MYOM1: variants seen among roughly 807,000 people sequenced by gnomAD.
The protein encoded by MYOM1 is myomesin 1, also known as myomesin-1.
A neutral mutation model predicts 205.3 loss-of-function variants in MYOM1; 164 were observed. The ratio of observed to expected loss-of-function variants is 0.80; its 90% confidence interval spans 0.70 to 0.91. The LOEUF is 0.91. Ranked by LOEUF, MYOM1 falls within the 40% of genes least tolerant of loss-of-function variation. The pLI is 0.00. For missense variants in MYOM1, 2,011 were observed against 2,127.3 expected (o/e 0.95, Z 1.08); for synonymous variants, 772 against 789.4 (o/e 0.98, Z 0.37).
Position 3,089,215 on chromosome 18 carries a change from A to C in MYOM1, c.4096T>G (p.Trp1366Gly), listed in dbSNP as rs1451379337. The C allele has an allele frequency of 6.2e-7, 1 of 1,612,004 alleles. No individual in the cohort carries two copies. The highest frequency in any genetic ancestry group is 1.3e-5 in the African/African-American group (1 of 74,904). Residue 1366 changes from tryptophan to glycine, a missense_variant, in exon 29 of 38, where the codon TGG becomes GGG. Coordinates refer to ENST00000356443, the MANE Select transcript of MYOM1 (RefSeq NM_003803.4). ...ACATTACATTCACCAGTCACTTCCC[A>C]GCTCAAATACTCAACAAAGTGAGGA... ...QGPHFVEYLS[W>G]EVTGECNVLL...
chr18:3,143,468 C>A (rs563834668), intron 13 of MYOM1, among the ~76,000 whole-genome samples: 1 of 152,056 alleles, frequency 6.6e-6, no homozygotes, highest in African/African-American at 2.4e-5. Context: ...GTCAATAAAG[C>A]CTTTTTCTTA....
chr18:3,082,671 C>T (rs977702005), intron 33 of MYOM1, among the ~76,000 whole-genome samples: 1 of 152,124 alleles, frequency 6.6e-6, no homozygotes, highest in Non-Finnish European at 1.5e-5. Flanking sequence ...GCCAGGCCTC[C>T]GTTCTCTTTC....
the MYOM1 span, chr18:3,246,918 A>G: frequency 6.6e-6 from 1 of 152,226 alleles, no homozygotes; most frequent in Non-Finnish European, 1.5e-5. Context: ...TCTCTTTTTA[A>G]TAAGATTCAT....
intron 12 of MYOM1, 144 bp from the exon 13 acceptor site, chr18:3,149,345 A>G (rs941778368): frequency 2.7e-5 from 17 of 634,616 alleles, no homozygotes; most frequent in East Asian, 2.5e-4. Context: ...AATGGTATCA[A>G]TCATGTAGAG....
intron 5 of MYOM1, among the ~76,000 whole-genome samples, chr18:3,176,824 G>T (rs2080647683): frequency 6.6e-6 from 1 of 152,138 alleles, no homozygotes; most frequent in African/African-American, 2.4e-5. Context: ...GGAGGTTGCA[G>T]TGAGCTGAGA....
At chr18:3,176,241 T>C (rs1484182857) in intron 5 of MYOM1, 107 bp from the exon 6 acceptor site, 2 of 667,142 alleles carry the variant, frequency 3.0e-6, no homozygotes, top group South Asian at 3.6e-5. Context: ...AACAGGGCAC[T>C]GAGGGTAGCA....
At chr18:3,223,351 A>T (rs770188361), upstream of MYOM1, among the ~76,000 whole-genome samples, 19 of 152,170 alleles carry the variant, frequency 1.2e-4, no homozygotes, top group Non-Finnish European at 2.8e-4. Context: ...TTTTTCTTCA[A>T]TGCGGATGTT....
chr18:3,132,118 GTA>G lies in MYOM1; in HGVS notation c.2385-624_2385-623del, dbSNP rs1555621173. On this transcript the variant is annotated intron_variant, in intron 16 of 37. Transcript: ENST00000356443. ...TAAAATTATTATTATATATGTGTGT[GTA>G]TATATATATATATATGAGTTATACT... Among the ~76,000 whole-genome samples, 372 of 143,438 alleles carry G rather than the reference GTA, an allele frequency of 2.6e-3. 3 individuals are homozygous for G. Among genetic ancestry groups the G allele is most frequent in the African/African-American group, 8.9e-3 (348 of 38,968 alleles). The allele number at this position is 143,438 out of a possible 152,430, so 94.1% of individuals were successfully genotyped here. A position where few individuals can be genotyped will look rare whatever the true frequency, so the allele number is the denominator to read the frequency against.
intron 19 of MYOM1, among the ~76,000 whole-genome samples, chr18:3,120,608 C>T (rs2079675834): frequency 6.6e-6 from 1 of 152,126 alleles, no homozygotes; most frequent in South Asian, 2.1e-4. Flanking sequence ...CAACGCCGTG[C>T]GCAGACCCCT....
chr18:3,123,367 T>C (rs79646890), intron 19 of MYOM1, among the ~76,000 whole-genome samples: 22,597 of 152,038 alleles, frequency 0.15, 1,882 homozygotes, highest in East Asian at 0.33. Context: ...TTCTCTTTAC[T>C]AGCAATAAAA....
At position 3,189,427 on chromosome 18, in the gene MYOM1, T is replaced by TG. The variant is rs1436185635; in HGVS notation, c.432-341_432-340insC. 1.4e-4 allele frequency among the ~76,000 whole-genome samples: 21 copies of TG among 151,966 alleles called. No homozygotes were observed. The highest frequency in any genetic ancestry group is 3.4e-3 in the Middle Eastern group (1 of 294). ...CAGGCTGGAGTGCAGTGGTGCGATC[T>TG]CAGCTCACTGCAACCTTGGCCTCCT... On this transcript the variant is annotated intron_variant, in intron 3 of 37. Coordinates refer to ENST00000356443, the MANE Select transcript of MYOM1 (RefSeq NM_003803.4). This position sits in a 1 kb window ranked among gnomAD's most constrained non-coding sequence, Gnocchi z 4.8.
At position 3,164,307 on chromosome 18, in the gene MYOM1, T is replaced by C; in HGVS notation, c.1472A>G (p.Glu491Gly). Residue 491 changes from glutamate (E) to glycine (G), a missense_variant, in exon 10 of 38, where the codon GAA (glutamate) becomes GGA (glycine). Glu to Gly is a moderately conservative substitution (Grantham distance 98). Coordinates refer to ENST00000356443, the MANE Select transcript of MYOM1 (RefSeq NM_003803.4). ...AACAAAGACATAAGCACTATATTGT[T>C]CATAATATTCTCCCATCCGTACACG... ...TIRVRMGEYY[E>G]QYSAYVFVRD... 1 of 1,613,166 alleles carries C rather than the reference T, an allele frequency of 6.2e-7. No individual in the cohort carries two copies. Among genetic ancestry groups the C allele is most frequent in the Non-Finnish European group, 8.5e-7 (1 of 1,179,484 alleles).
chr18:3,227,745 G>C, the MYOM1 span, among the ~76,000 whole-genome samples: 2 of 152,102 alleles, frequency 1.3e-5, no homozygotes, highest in Admixed American at 1.3e-4. Context: ...CTTGAACCCA[G>C]CAGGCGGAGG....
chr18:3,097,894 G>A (rs990154330), intron 25 of MYOM1, among the ~76,000 whole-genome samples: 1 of 152,162 alleles, frequency 6.6e-6, no homozygotes, highest in Non-Finnish European at 1.5e-5. Flanking sequence ...CCTACTGCCC[G>A]GACTAATTCT....
At chr18:3,127,305 A>ATATATTTTTT (rs56880961) in intron 18 of MYOM1, among the ~76,000 whole-genome samples, 2 of 47,570 alleles carry the variant, frequency 4.2e-5, no homozygotes, top group African/African-American at 9.2e-5. Flanking sequence ...ATATATATAT[A>ATATATTTTTT]TTTTTTTTTT....
intron 31 of MYOM1, among the ~76,000 whole-genome samples, chr18:3,084,325 T>G (rs1350043119): frequency 1.3e-5 from 2 of 152,166 alleles, no homozygotes; most frequent in East Asian, 3.8e-4. Flanking sequence ...GGCTTTGGGA[T>G]TCTCTTTCTT....
rs538417006 is a variant in MYOM1 at position 3,135,489 on chromosome 18, T to G, written c.2209+58A>C. 6.6e-7 allele frequency: 1 copy of G among 1,518,642 alleles called. No individual in the cohort carries two copies. The highest frequency in any genetic ancestry group is 1.9e-5 in the Admixed American group (1 of 51,360). The allele number at this position is 1,518,642 out of a possible 1,614,324, so 94.1% of individuals were successfully genotyped here. On this transcript the variant is annotated intron_variant, in intron 15 of 37. Coordinates refer to ENST00000356443, the MANE Select transcript of MYOM1 (RefSeq NM_003803.4). The surrounding 1 kb of genome is among the most constrained non-coding windows in gnomAD (Gnocchi z 4.1). ...TTTTACTCCTGGCCAAATATACATATACTAGATCCTTGCTTTGAAATTTTC... is the reference window on the plus strand; with the variant it reads ...TTTTACTCCTGGCCAAATATACATAGACTAGATCCTTGCTTTGAAATTTTC...
intron 20 of MYOM1, among the ~76,000 whole-genome samples, chr18:3,119,218 T>C (rs1333919142): frequency 6.6e-6 from 1 of 152,038 alleles, no homozygotes; most frequent in African/African-American, 2.4e-5. Flanking sequence ...TTCCAGGAAA[T>C]TTCTTTTGGC....
At chr18:3,133,866 G>T (rs148998897) in intron 16 of MYOM1, among the ~76,000 whole-genome samples, 2 of 152,104 alleles carry the variant, frequency 1.3e-5, no homozygotes, top group Non-Finnish European at 2.9e-5. Context: ...GTTTTGTTTT[G>T]CTTGTTTGTT....
Sources: allele counts gnomAD v4.1 joint callset (sites outside exome capture counted in the v4.1 genomes callset), GRCh38; gene constraint gnomAD v4.1.1; non-coding constraint Gnocchi (gnomAD v3.1); transcripts MANE v1.5; gene names NCBI Gene and HGNC (gene_info 2026-07-23, HGNC 2026-07-21).